The following GPR158 variants were observed in gnomAD, a reference collection of about 807,000 sequenced individuals.
GPR158 encodes the protein metabotropic glycine receptor.
A neutral mutation model predicts 78.2 loss-of-function variants in GPR158; 30 were observed. The observed-to-expected ratio is 0.38, with a 90% CI of 0.29 to 0.52. The LOEUF is 0.52. Ranked by LOEUF, GPR158 falls within the 20% of genes least tolerant of loss-of-function variation. The pLI, the probability that GPR158 is intolerant of heterozygous loss-of-function variation, is 0.83. For missense variants in GPR158, 1,463 were observed against 1,523.5 expected, an observed-to-expected ratio of 0.96 and a Z score of 0.66; for synonymous variants, 581 against 591.1, an observed-to-expected ratio of 0.98 and a Z score of 0.25.
At chr10:25,531,493 G>GT (rs541093931) in intron 5 of GPR158, among the ~76,000 whole-genome samples, 70 of 152,212 alleles carry the variant, frequency 4.6e-4, no homozygotes, top group African/African-American at 1.7e-3. Context: ...GCAACCTATA[G>GT]TTACACCTAG....
At chr10:25,402,507 C>T (rs911035693) in intron 3 of GPR158, among the ~76,000 whole-genome samples, 6 of 151,940 alleles carry the variant, frequency 3.9e-5, no homozygotes, top group Non-Finnish European at 7.4e-5. Context: ...TGCAAGGATG[C>T]CCTTTTCATA....
Position 25,598,257 on chromosome 10 carries a change from C to T in GPR158, c.2631C>T (p.Cys877=), listed in dbSNP as rs1391361615. The T allele has an allele frequency of 6.2e-7, 1 of 1,614,048 alleles. No homozygotes were observed. ...AESTESVPLV[C]KSASAHNLSS... ...CCACGGAGTCGGTGCCGTTGGTGTG[C>T]AAGTCAGCAAGCGCTCACAACCTCA... Residue 877 remains cysteine (C), a synonymous_variant, in exon 11 of 11, where the codon TGC becomes TGT. Transcript: ENST00000376351.
At chr10:25,311,648 A>T (rs1854766760) in intron 2 of GPR158, among the ~76,000 whole-genome samples, 1 of 151,964 alleles carries the variant, frequency 6.6e-6, no homozygotes, top group African/African-American at 2.4e-5. Context: ...AGCATTTCTC[A>T]TACTTTTTGG....
At chr10:25,350,775 C>A (rs1855449019) in intron 2 of GPR158, among the ~76,000 whole-genome samples, 1 of 151,948 alleles carries the variant, frequency 6.6e-6, no homozygotes, top group Admixed American at 6.6e-5. Flanking sequence ...GACCCCTCCT[C>A]CTTTTGCTAG....
intron 4 of GPR158, among the ~76,000 whole-genome samples, chr10:25,442,995 C>G (rs1835088566): frequency 6.6e-6 from 1 of 152,092 alleles, no homozygotes; most frequent in African/African-American, 2.4e-5. Flanking sequence ...GGATACAGAC[C>G]AAAATCCTAA....
intron 9 of GPR158, among the ~76,000 whole-genome samples, chr10:25,595,372 T>G (rs1356417491): frequency 1.3e-5 from 2 of 152,246 alleles, no homozygotes; most frequent in Non-Finnish European, 2.9e-5. Context: ...GATTACACTT[T>G]TATTAGATAG....
chr10:25,405,661 G>A (rs1834505666), intron 3 of GPR158, among the ~76,000 whole-genome samples: 2 of 151,564 alleles, frequency 1.3e-5, no homozygotes, highest in Admixed American at 6.6e-5. Context: ...GTTGAGTTAT[G>A]ATCAACAAAA....
chr10:25,510,879 G>C (rs1276089027), intron 5 of GPR158, among the ~76,000 whole-genome samples: 5 of 152,082 alleles, frequency 3.3e-5, no homozygotes, highest in African/African-American at 9.7e-5. Context: ...CTATTATTTT[G>C]TTCCTTGTTA....
intron 4 of GPR158, 52 bp downstream of exon 4, chr10:25,412,525 CT>C: frequency 8.0e-7 from 1 of 1,249,994 alleles, no homozygotes; most frequent in Non-Finnish European, 1.2e-6. Context: ...AACCTCTTAT[CT>C]TTTTAAGCAA....
intron 5 of GPR158, among the ~76,000 whole-genome samples, chr10:25,510,747 C>T (rs1836074329): frequency 1.3e-5 from 2 of 152,278 alleles, no homozygotes; most frequent in Admixed American, 6.5e-5. Context: ...CATTCTTACG[C>T]CTTTGCATCC....
intron 4 of GPR158, among the ~76,000 whole-genome samples, chr10:25,445,689 A>C (rs928571925): frequency 6.6e-6 from 1 of 152,082 alleles, no homozygotes; most frequent in Non-Finnish European, 1.5e-5. Flanking sequence ...TAATTTCCAA[A>C]GACCATAGGA....
At chr10:25,423,979 G>T (rs181127540) in intron 4 of GPR158, among the ~76,000 whole-genome samples, 62 of 152,266 alleles carry the variant, frequency 4.1e-4, no homozygotes, top group African/African-American at 1.4e-3. Context: ...CACAGTGGTT[G>T]AACTAATTTA....
In GPR158 at chr10:25,241,161, CTTT is replaced by C. The variant is rs756651667; in HGVS notation, c.1008+20005_1008+20007del. ...TCTTTCTTTCTTTCTTTCTTTCTTT[CTTT>C]CTTTCTTTCTTTCTTTCTTTCTTTC... is the stretch of plus-strand genomic sequence containing the variant. On this transcript the variant is annotated intron_variant, in intron 2 of 10. Coordinates refer to ENST00000376351, the MANE Select transcript of GPR158 (RefSeq NM_020752.3). Among the ~76,000 whole-genome samples, 853 of 122,040 alleles carry C rather than the reference CTTT, an allele frequency of 7.0e-3. 11 individuals carry two copies. Among genetic ancestry groups the C allele is most frequent in the South Asian group, 0.027 (100 of 3,720 alleles). The allele number at this position is 122,040 out of a possible 152,430, so 80.1% of individuals were successfully genotyped here. A position where few individuals can be genotyped will look rare whatever the true frequency, so the allele number is the denominator to read the frequency against.
intron 1 of GPR158, among the ~76,000 whole-genome samples, chr10:25,208,085 C>T (rs1372211273): frequency 1.3e-5 from 2 of 152,044 alleles, no homozygotes; most frequent in Non-Finnish European, 2.9e-5. Context: ...TAATGTTTAC[C>T]ACATGGTATA....
chr10:25,306,536 T>C (rs1313020556), intron 2 of GPR158, among the ~76,000 whole-genome samples: 1 of 152,214 alleles, frequency 6.6e-6, no homozygotes, highest in African/African-American at 2.4e-5. Flanking sequence ...TTTACTACCT[T>C]TTCACAATAT....
chr10:25,195,873 T>A (rs1252235578), intron 1 of GPR158, among the ~76,000 whole-genome samples: 2 of 152,234 alleles, frequency 1.3e-5, no homozygotes, highest in Non-Finnish European at 2.9e-5. Context: ...CCCTCAGAAT[T>A]TTAAACACAT....
chr10:25,372,902 A>G (rs1400144018), intron 2 of GPR158, among the ~76,000 whole-genome samples: 1 of 151,858 alleles, frequency 6.6e-6, no homozygotes, highest in East Asian at 1.9e-4. Flanking sequence ...CAAAGAAAAA[A>G]AGACCTAAAA....
At chr10:25,514,039 G>C (rs1028215186) in intron 5 of GPR158, among the ~76,000 whole-genome samples, 1 of 152,074 alleles carries the variant, frequency 6.6e-6, no homozygotes, top group Admixed American at 6.6e-5. Flanking sequence ...AAGTCCATTT[G>C]TTCTAAGGTA....
rs553993236 is a variant in GPR158, at chr10:25,213,136, A to G, written c.903-7916A>G. ...ACAAATATCTTCACTTCTGATCTTT[A>G]TATCTCATTTTTCTTTTTCAGTTTT... is the stretch of plus-strand genomic sequence containing the variant. On this transcript the variant is annotated intron_variant, in intron 1 of 10. Coordinates refer to ENST00000376351, the MANE Select transcript of GPR158 (RefSeq NM_020752.3). Among the ~76,000 whole-genome samples the G allele has an allele frequency of 1.4e-4, 22 of 152,208 alleles. No homozygotes were observed. The South Asian group carries it at 4.6e-3, about 32-fold the overall frequency.
Sources: allele counts gnomAD v4.1 joint callset (sites outside exome capture counted in the v4.1 genomes callset), GRCh38; gene constraint gnomAD v4.1.1; transcripts MANE v1.5; gene names NCBI Gene and HGNC (gene_info 2026-07-23, HGNC 2026-07-21).